The following ADAMTS18 variants were observed in gnomAD, a reference collection of about 807,000 sequenced individuals.
ADAMTS18 encodes the protein A disintegrin and metalloproteinase with thrombospondin motifs 18.
A neutral mutation model predicts 165.9 loss-of-function variants in ADAMTS18; 157 were observed. The observed-to-expected ratio is 0.95, with a 90% CI of 0.83 to 1.08. The LOEUF is 1.08. ADAMTS18 is among the 50% of genes least tolerant of loss of function. The probability of loss-of-function intolerance (pLI) is 0.00; values close to 1 mark genes in which losing one functional copy is unlikely to be tolerated. For missense variants in ADAMTS18, 2,040 were observed against 1,534.0 expected (o/e 1.33, Z -5.51); for synonymous variants, 782 against 578.2 (o/e 1.35, Z -5.06).
In ADAMTS18 at chr16:77,353,799, A is replaced by G. The variant is rs757122588; in HGVS notation, c.1548T>C (p.Asp516=). The G allele has an allele frequency of 6.2e-7, 1 of 1,614,192 alleles. No individual in the cohort carries two copies. The highest frequency in any genetic ancestry group is 1.1e-5 in the South Asian group (1 of 91,090). ...ATTGCCATTTACACTGTGTGTCAGC[A>G]TCATAAATCTGTCCTGGTAGTTTGT... ...YPDKLPGQIY[D]ADTQCKWQFG... Residue 516 remains aspartate (D), a synonymous_variant, in exon 10 of 23, where the codon GAT becomes GAC. Transcript: ENST00000282849.
At chr16:77,363,995 G>T in intron 5 of ADAMTS18, 110 bp from the exon 6 acceptor site, 1 of 1,223,222 alleles carries the variant, frequency 8.2e-7, no homozygotes, top group Non-Finnish European at 1.2e-6. Flanking sequence ...CCAAATATAT[G>T]TACATATAAA....
chr16:77,383,678 G>A (rs527592173), intron 3 of ADAMTS18, among the ~76,000 whole-genome samples: 1 of 152,066 alleles, frequency 6.6e-6, no homozygotes, highest in Admixed American at 6.5e-5. Flanking sequence ...AAGTAGCTGG[G>A]ATTACAGGCA....
At chr16:77,389,751 G>A (rs2057160369) in intron 3 of ADAMTS18, among the ~76,000 whole-genome samples, 1 of 152,188 alleles carries the variant, frequency 6.6e-6, no homozygotes, top group Non-Finnish European at 1.5e-5. Flanking sequence ...AATGGGGGAA[G>A]GAACTCCATG....
chr16:77,415,033 T>C (rs570199268), intron 3 of ADAMTS18, among the ~76,000 whole-genome samples: 70 of 152,260 alleles, frequency 4.6e-4, no homozygotes, highest in Admixed American at 1.2e-3. Flanking sequence ...ACAACTGACA[T>C]AGAAAGTAGT....
chr16:77,314,039 G>A (rs577701309), intron 16 of ADAMTS18, among the ~76,000 whole-genome samples: 2 of 152,168 alleles, frequency 1.3e-5, no homozygotes, highest in Admixed American at 6.6e-5. Context: ...GGAAATGCTA[G>A]TATCTTCCTC....
At chr16:77,386,414 C>A (rs2057108361) in intron 3 of ADAMTS18, among the ~76,000 whole-genome samples, 1 of 152,212 alleles carries the variant, frequency 6.6e-6, no homozygotes, top group South Asian at 2.1e-4. Context: ...TTGTTCCTCT[C>A]TGTGCTAACT....
intron 16 of ADAMTS18, among the ~76,000 whole-genome samples, chr16:77,315,235 G>C (rs961750267): frequency 2.6e-5 from 4 of 152,058 alleles, no homozygotes; most frequent in Non-Finnish European, 5.9e-5. Context: ...CTGAATAATA[G>C]ATTGCATGGT....
rs564235523 is a variant in ADAMTS18, at chr16:77,418,732, T to C, written c.495+12563A>G. ...AAGTCATTGACAGGATAATTTAAGA[T>C]GGCCATGAATCTGAAAAGGGGACTA... On this transcript the variant is annotated intron_variant, in intron 3 of 22. Coordinates refer to ENST00000282849, the MANE Select transcript of ADAMTS18 (RefSeq NM_199355.4). 2.3e-4 allele frequency among the ~76,000 whole-genome samples: 35 copies of C among 152,322 alleles called. 1 individual carries two copies. The South Asian group carries it at 6.0e-3, about 26-fold the overall frequency.
chr16:77,292,954 A>G lies in ADAMTS18; in HGVS notation c.3189+122T>C. 4.1e-6 allele frequency: 5 copies of G among 1,205,626 alleles called. No homozygotes were observed. In the South Asian group the frequency reaches 6.7e-5, roughly 16 times the overall value. 74.7% of individuals were successfully genotyped at this position (1,205,626 alleles called of 1,614,324 possible). A position where few individuals can be genotyped will look rare whatever the true frequency, so the allele number is the denominator to read the frequency against. On this transcript the variant is annotated intron_variant, in intron 20 of 22. Transcript: ENST00000282849. The stretch of plus-strand genomic sequence containing the variant: ...CCTGCCTCAGCCTCCCCAGTAGATC[A>G]GACTACAGGCGCCTGCCACCTTGCC...
chr16:77,367,393 T>G (rs1401669916), intron 4 of ADAMTS18, 48 bp downstream of exon 4: 14 of 1,611,698 alleles, frequency 8.7e-6, no homozygotes, highest in African/African-American at 1.3e-5. Context: ...CAGGAAAACC[T>G]GTCGAGGCCC....
At chr16:77,339,117 G>T (rs1020335137) in intron 11 of ADAMTS18, among the ~76,000 whole-genome samples, 4 of 152,142 alleles carry the variant, frequency 2.6e-5, no homozygotes, top group African/African-American at 9.7e-5. Context: ...ACCTGCTACT[G>T]TGTGTCAGAC....
intron 4 of ADAMTS18, among the ~76,000 whole-genome samples, chr16:77,364,964 T>G (rs115540841): frequency 0.017 from 2,646 of 152,098 alleles, 70 homozygotes; most frequent in African/African-American, 0.06. Flanking sequence ...AAATTAGTCA[T>G]GCATGGTGGT....
intron 16 of ADAMTS18, 31 bp downstream of exon 16, chr16:77,319,818 A>T: frequency 6.2e-7 from 1 of 1,613,808 alleles, no homozygotes; most frequent in Non-Finnish European, 8.5e-7. Context: ...AGCAAGAAGC[A>T]CTGAGAACTG....
chr16:77,307,113 C>A (rs1380430338), intron 16 of ADAMTS18, among the ~76,000 whole-genome samples: 1 of 152,214 alleles, frequency 6.6e-6, no homozygotes, highest in Non-Finnish European at 1.5e-5. Flanking sequence ...TCTCCTCAAT[C>A]AATTTTCCCC....
chr16:77,332,133 G>A (rs140509346), intron 12 of ADAMTS18, among the ~76,000 whole-genome samples: 1 of 152,224 alleles, frequency 6.6e-6, no homozygotes, highest in East Asian at 1.9e-4. Context: ...GTTGTCTGTG[G>A]TCATAGATCA....
intron 3 of ADAMTS18, among the ~76,000 whole-genome samples, chr16:77,372,793 T>A (rs1350335986): frequency 6.6e-6 from 1 of 152,164 alleles, no homozygotes; most frequent in Non-Finnish European, 1.5e-5. Flanking sequence ...TGCTCGCGTC[T>A]CTTATTTGGA....
intron 18 of ADAMTS18, 80 bp from the exon 19 acceptor site, chr16:77,295,207 C>A: frequency 1.4e-6 from 2 of 1,443,774 alleles, no homozygotes. Context: ...GAAAGGTAAA[C>A]CACCTATGGA....
chr16:77,407,236 T>A (rs1360397301), intron 3 of ADAMTS18, among the ~76,000 whole-genome samples: 1 of 152,116 alleles, frequency 6.6e-6, no homozygotes, highest in Admixed American at 6.6e-5. Flanking sequence ...AATTATTCCA[T>A]TTTAAATAGC....
intron 14 of ADAMTS18, among the ~76,000 whole-genome samples, chr16:77,321,697 G>C (rs1597119795): frequency 6.6e-6 from 1 of 152,144 alleles, no homozygotes; most frequent in Non-Finnish European, 1.5e-5. Context: ...AAGGTACTTA[G>C]TACACATGCA....
Sources: gnomAD v4.1 joint callset for allele counts (sites outside exome capture counted in the v4.1 genomes callset) on GRCh38, gnomAD v4.1.1 for gene constraint, MANE v1.5 for transcripts, NCBI Gene and HGNC (gene_info 2026-07-23, HGNC 2026-07-21) for gene names.